The following RCAN2 variants were observed in gnomAD, a reference collection of about 807,000 sequenced individuals.
RCAN2 encodes regulator of calcineurin 2.
In RCAN2, 9 loss-of-function variants were observed where a neutral mutation model predicts 23.6. The observed-to-expected ratio is 0.38, with a 90% CI of 0.23 to 0.67. RCAN2 has a LOEUF of 0.67. RCAN2 is among the 30% of genes least tolerant of loss of function. RCAN2 has a pLI of 0.51. For missense variants in RCAN2, 273 were observed against 302.3 expected, an observed-to-expected ratio of 0.90 and a Z score of 0.72; for synonymous variants, 109 against 115.7, an observed-to-expected ratio of 0.94 and a Z score of 0.37.
At chr6:46,434,207 A>C (rs1767299782) in intron 2 of RCAN2, among the ~76,000 whole-genome samples, 1 of 152,244 alleles carries the variant, frequency 6.6e-6, no homozygotes, top group Non-Finnish European at 1.5e-5. Flanking sequence ...CACAGTGATA[A>C]AAGTGCTGAG....
At position 46,223,060 on chromosome 6, in the gene RCAN2, A is replaced by G; in HGVS notation, c.*81T>C. 6.7e-7 allele frequency: 1 copy of G among 1,497,642 alleles called. No individual in the cohort carries two copies. Among genetic ancestry groups the G allele is most frequent in the Non-Finnish European group, 9.1e-7 (1 of 1,097,952 alleles). 92.8% of individuals were successfully genotyped at this position (1,497,642 alleles called of 1,614,324 possible). On this transcript the variant is annotated 3_prime_UTR_variant, in exon 5 of 5. Transcript: ENST00000371374. ...AAACAACCAAACACCCAGGAATTTAAAGGCAATTTTTTTTGACAAACAACA... is the reference window on the plus strand; with the variant it reads ...AAACAACCAAACACCCAGGAATTTAGAGGCAATTTTTTTTGACAAACAACA...
intron 2 of RCAN2, among the ~76,000 whole-genome samples, chr6:46,349,323 G>A (rs974250650): frequency 1.3e-5 from 2 of 151,980 alleles, no homozygotes; most frequent in South Asian, 2.1e-4. Flanking sequence ...GAAAACCACC[G>A]CATGTTCTCA....
Position 46,221,757 on chromosome 6 carries a change from A to G in RCAN2, c.*1384T>C, listed in dbSNP as rs1227414102. 2 of 394,170 alleles carry G rather than the reference A, an allele frequency of 5.1e-6. No homozygotes were observed. Among genetic ancestry groups the G allele is most frequent in the East Asian group, 7.2e-5 (2 of 27,902 alleles). The allele number at this position is 394,170 out of a possible 1,614,324, so 24.4% of individuals were successfully genotyped here. On this transcript the variant is annotated 3_prime_UTR_variant, in exon 5 of 5. Transcript: ENST00000371374. ...GCTTGGGTAATGAAAGTACTTCCCC[A>G]CTCCATTGTAATCTGCGTTTGCATC...
chr6:46,442,171 TAA>T (rs1034060740), intron 2 of RCAN2, among the ~76,000 whole-genome samples: 2 of 152,236 alleles, frequency 1.3e-5, no homozygotes, highest in Non-Finnish European at 2.9e-5. Flanking sequence ...ATAATAATGA[TAA>T]AGCTCATCCT....
chr6:46,260,078 G>T (rs1384276148), intron 2 of RCAN2, among the ~76,000 whole-genome samples: 1 of 152,056 alleles, frequency 6.6e-6, no homozygotes, highest in African/African-American at 2.4e-5. Flanking sequence ...ATTGCCAATT[G>T]GTGATCAACT....
intron 2 of RCAN2, among the ~76,000 whole-genome samples, chr6:46,280,891 G>T (rs143338825): frequency 6.6e-6 from 1 of 152,136 alleles, no homozygotes; most frequent in Non-Finnish European, 1.5e-5. Context: ...GGGTGTGTGT[G>T]TGTATGTGTG....
intron 2 of RCAN2, among the ~76,000 whole-genome samples, chr6:46,455,493 A>G (rs1767989676): frequency 6.6e-6 from 1 of 152,124 alleles, no homozygotes. Context: ...AAAGAGCTAA[A>G]GTCTGTGAAA....
At chr6:46,391,427 C>T (rs988697287) in intron 2 of RCAN2, among the ~76,000 whole-genome samples, 3 of 152,102 alleles carry the variant, frequency 2.0e-5, no homozygotes, top group Admixed American at 6.6e-5. Context: ...ACGTGTTCAG[C>T]TCAGGGTGTT....
chr6:46,343,746 A>G (rs902693948), intron 2 of RCAN2, among the ~76,000 whole-genome samples: 3 of 152,200 alleles, frequency 2.0e-5, no homozygotes, highest in African/African-American at 4.8e-5. Flanking sequence ...TTCCACTATT[A>G]GGTATCTACT....
chr6:46,423,412 G>A (rs1766940551), intron 2 of RCAN2, among the ~76,000 whole-genome samples: 1 of 152,102 alleles, frequency 6.6e-6, no homozygotes, highest in Non-Finnish European at 1.5e-5. Flanking sequence ...AAGCAAGAGA[G>A]AACAGAAAAG....
chr6:46,223,240 G>C lies in RCAN2; in HGVS notation c.633C>G (p.Cys211Trp), dbSNP rs574501002. 1 of 1,613,722 alleles carries C rather than the reference G, an allele frequency of 6.2e-7. No individual in the cohort carries two copies. The highest frequency in any genetic ancestry group is 8.5e-7 in the Non-Finnish European group (1 of 1,179,798). The change falls in exon 5 of 5, where the codon TGC (cysteine) becomes TGG (tryptophan). Residue 211 changes from cysteine (C) to tryptophan (W), a missense_variant. Transcript: ENST00000371374. Reference protein sequence around the residue: ...ESTPSVVVHVCDSDIEEEEDP... With the variant: ...ESTPSVVVHVWDSDIEEEEDP... Reference sequence around the variant, plus strand: ...CCTCTTCTTCCTCTATGTCACTGTCGCACACGTGCACGACGACACTTGGGG... The same window carrying C: ...CCTCTTCTTCCTCTATGTCACTGTCCCACACGTGCACGACGACACTTGGGG...
chr6:46,458,885 A>ACGCGCG (rs57258359), intron 1 of RCAN2, among the ~76,000 whole-genome samples: 256 of 148,150 alleles, frequency 1.7e-3, no homozygotes, highest in African/African-American at 6.0e-3. Context: ...TTACAGGAAA[A>ACGCGCG]CGCGCGCGCA....
At chr6:46,459,910 T>C (rs1768161103) in intron 1 of RCAN2, among the ~76,000 whole-genome samples, 1 of 152,100 alleles carries the variant, frequency 6.6e-6, no homozygotes, top group South Asian at 2.1e-4. Flanking sequence ...AAACACATCG[T>C]GATAATTTCA....
chr6:46,266,136 G>A (rs1465352807), intron 2 of RCAN2, among the ~76,000 whole-genome samples: 2 of 152,162 alleles, frequency 1.3e-5, no homozygotes, highest in Non-Finnish European at 2.9e-5. Context: ...CAGATAATCA[G>A]TAGCCCATTG....
intron 2 of RCAN2, among the ~76,000 whole-genome samples, chr6:46,332,545 T>A (rs1214304340): frequency 2.7e-5 from 4 of 147,228 alleles, no homozygotes; most frequent in Non-Finnish European, 5.9e-5. Flanking sequence ...CACCTATGAG[T>A]GAGAATATGC....
Position 46,477,280 on chromosome 6 carries a change from A to G in RCAN2, c.-3+13893T>C, listed in dbSNP as rs558042930. On this transcript the variant is annotated intron_variant, in intron 1 of 4. Coordinates refer to ENST00000371374, the MANE Select transcript of RCAN2 (RefSeq NM_001251974.2). ...AAAAACAGAAAAGCAGGGGCAAAAC[A>G]TAAGAGCTGATCCATTTTTAGGATA... Among the ~76,000 whole-genome samples the G allele has an allele frequency of 3.0e-4, 46 of 152,360 alleles. No individual in the cohort carries two copies. The South Asian group carries it at 3.5e-3, about 12-fold the overall frequency.
At chr6:46,472,085 T>C (rs1305309432) in intron 1 of RCAN2, among the ~76,000 whole-genome samples, 1 of 152,180 alleles carries the variant, frequency 6.6e-6, no homozygotes, top group Non-Finnish European at 1.5e-5. Flanking sequence ...AAAATAATCT[T>C]GCTTGTATTC....
At chr6:46,442,333 T>G (rs1051583187) in intron 2 of RCAN2, among the ~76,000 whole-genome samples, 4 of 152,232 alleles carry the variant, frequency 2.6e-5, no homozygotes, top group African/African-American at 9.6e-5. Context: ...CTTTGTGTAC[T>G]TCTCAGGGGC....
rs1314812509 is a variant in RCAN2, at chr6:46,404,990, TCTG to T, written c.225+51759_225+51761del. 3.3e-5 allele frequency among the ~76,000 whole-genome samples: 5 copies of T among 152,190 alleles called. No homozygotes were observed. In the East Asian group the frequency reaches 9.6e-4, roughly 29 times the overall value. On this transcript the variant is annotated intron_variant, in intron 2 of 4. Coordinates refer to ENST00000371374, the MANE Select transcript of RCAN2 (RefSeq NM_001251974.2). Reference sequence around the variant, plus strand: ...AAAATATGACACTGATAAATTGCAATCTGCTAAGACTCACACTACTATCTTATA... The same window carrying T: ...AAAATATGACACTGATAAATTGCAATCTAAGACTCACACTACTATCTTATA...
Sources: gnomAD v4.1 joint callset for allele counts (sites outside exome capture counted in the v4.1 genomes callset) on GRCh38, gnomAD v4.1.1 for gene constraint, MANE v1.5 for transcripts, NCBI Gene and HGNC (gene_info 2026-07-23, HGNC 2026-07-21) for gene names.